Variants in IL19 observed in about 807,000 individuals in gnomAD.
The protein encoded by IL19 is interleukin 19.
Under a neutral mutation model 19.5 loss-of-function variants are expected in IL19, and 15 were observed. The ratio of observed to expected loss-of-function variants is 0.77; its 90% CI spans 0.52 to 1.19. IL19 has a LOEUF of 1.19. IL19 is among the 50% of genes most tolerant of loss of function. The pLI is 0.00. For synonymous variants in IL19, 78 were observed against 78.3 expected (o/e 1.00, Z 0.02); for missense variants, 199 against 213.1 (o/e 0.93, Z 0.41).
chr1:206,793,750 T>C (rs1217171295), intron 1 of IL19, among the ~76,000 whole-genome samples: 1 of 152,254 alleles, frequency 6.6e-6, no homozygotes, highest in East Asian at 1.9e-4. Flanking sequence ...TTTCTGAACC[T>C]CTAACGCCAC....
chr1:206,789,996 G>A (rs1038312352), intron 1 of IL19, among the ~76,000 whole-genome samples: 2 of 152,146 alleles, frequency 1.3e-5, no homozygotes, highest in African/African-American at 4.8e-5. Context: ...ACATATATGT[G>A]CAGTTAGTTG....
At chr1:206,810,988 G>C (rs1675992869) in intron 2 of IL19, among the ~76,000 whole-genome samples, 1 of 152,176 alleles carries the variant, frequency 6.6e-6, no homozygotes. Flanking sequence ...TCCCTCACCA[G>C]AAGCAGATGC....
At chr1:206,827,756 T>C (rs1473084661) in intron 2 of IL19, among the ~76,000 whole-genome samples, 1 of 151,454 alleles carries the variant, frequency 6.6e-6, no homozygotes. Context: ...GCCTCAGCTG[T>C]TCCCTCATCT....
At chr1:206,814,258 CA>C (rs1461179650) in intron 2 of IL19, among the ~76,000 whole-genome samples, 1 of 151,828 alleles carries the variant, frequency 6.6e-6, no homozygotes, top group African/African-American at 2.4e-5. Context: ...GCACAGATTG[CA>C]GCCAGTAAAT....
intron 2 of IL19, among the ~76,000 whole-genome samples, chr1:206,831,801 C>T (rs1676616616): frequency 6.6e-6 from 1 of 152,180 alleles, no homozygotes; most frequent in Non-Finnish European, 1.5e-5. Context: ...GCTTCCAGTA[C>T]CAGCGATTAT....
rs538485682 is a variant in IL19, at chr1:206,824,105, C to A, written c.-2-12556C>A. On this transcript the variant is annotated intron_variant, in intron 2 of 6. Coordinates refer to ENST00000659997, the MANE Select transcript of IL19 (RefSeq NM_153758.5). ...CTCAAGCACTGTTACTTGATATCAG[C>A]GGATTATTTCTCTCCAGAGGCTTGG... Among the ~76,000 whole-genome samples the A allele has an allele frequency of 3.9e-5, 6 of 152,188 alleles. 1 individual carries two copies. Among genetic ancestry groups the A allele is most frequent in the Admixed American group, 1.3e-4 (2 of 15,278 alleles).
At chr1:206,774,390 G>A (rs535586158) in intron 1 of IL19, among the ~76,000 whole-genome samples, 1 of 152,352 alleles carries the variant, frequency 6.6e-6, no homozygotes, top group South Asian at 2.1e-4. Flanking sequence ...CCAGGAAGCA[G>A]AGAGAAGGGG....
intron 2 of IL19, among the ~76,000 whole-genome samples, chr1:206,813,578 G>A (rs1215300171): frequency 6.6e-6 from 1 of 152,088 alleles, no homozygotes; most frequent in Non-Finnish European, 1.5e-5. Flanking sequence ...CTGAGTTTCA[G>A]TTCCTTGGGG....
chr1:206,800,198 G>A (rs765544502), intron 2 of IL19, among the ~76,000 whole-genome samples: 5 of 152,208 alleles, frequency 3.3e-5, no homozygotes, highest in Non-Finnish European at 7.3e-5. Context: ...CACTGAACAA[G>A]ACAAAGTCCA....
In IL19 at chr1:206,774,451, C is replaced by T. The variant is rs965775005; in HGVS notation, c.-149+3373C>T. 5.7e-4 allele frequency among the ~76,000 whole-genome samples: 86 copies of T among 152,166 alleles called. 5 individuals are homozygous for T. Among genetic ancestry groups the T allele is most frequent in the Non-Finnish European group, 2.9e-5 (2 of 68,036 alleles). On this transcript the variant is annotated intron_variant, in intron 1 of 6. Coordinates refer to ENST00000659997, the MANE Select transcript of IL19 (RefSeq NM_153758.5). ...GCACCTTTCTCCTTCCCCCTCGGCT[C>T]CTGGGTTTTCTGGGCTGTGTCTGTG...
At chr1:206,822,780 C>T (rs916846803) in intron 2 of IL19, among the ~76,000 whole-genome samples, 2 of 152,124 alleles carry the variant, frequency 1.3e-5, no homozygotes, top group African/African-American at 2.4e-5. Flanking sequence ...CCCAACGCTT[C>T]GGTGTCCCCC....
At chr1:206,826,228 C>T (rs983367045) in intron 2 of IL19, among the ~76,000 whole-genome samples, 1 of 152,182 alleles carries the variant, frequency 6.6e-6, no homozygotes, top group African/African-American at 2.4e-5. Context: ...TAGCCCTAAG[C>T]TGCAAATCCT....
At chr1:206,780,037 C>A (rs1675095361) in intron 1 of IL19, among the ~76,000 whole-genome samples, 1 of 146,330 alleles carries the variant, frequency 6.8e-6, no homozygotes, top group Non-Finnish European at 1.6e-5. Flanking sequence ...ATTTAGTTCT[C>A]CCTTCCTGCT....
At chr1:206,808,897 A>G (rs928271469) in intron 2 of IL19, among the ~76,000 whole-genome samples, 3 of 152,186 alleles carry the variant, frequency 2.0e-5, no homozygotes, top group East Asian at 3.9e-4. Context: ...GCTGGCCAGG[A>G]AAGGACAGCC....
intron 1 of IL19, among the ~76,000 whole-genome samples, chr1:206,780,006 C>T (rs1462150299): frequency 2.0e-5 from 3 of 152,080 alleles, no homozygotes; most frequent in Non-Finnish European, 2.9e-5. Flanking sequence ...CCCTCTCTCT[C>T]CTATCACAGG....
intron 2 of IL19, 43 bp downstream of exon 2, chr1:206,799,049 C>A (rs367984327): frequency 4.6e-6 from 6 of 1,298,480 alleles, no homozygotes; most frequent in African/African-American, 1.5e-5. Context: ...TGGAGCCATT[C>A]TCTGGGACCA....
chr1:206,772,586 G>A, intron 1 of IL19: 1 of 728,902 alleles, frequency 1.4e-6, no homozygotes, highest in Non-Finnish European at 2.3e-6. Flanking sequence ...TCCCGGCACA[G>A]GATTTTTTCT....
At position 206,796,698 on chromosome 1, in the gene IL19, G is replaced by A. The variant is rs549561326; in HGVS notation, c.-148-2163G>A. On this transcript the variant is annotated intron_variant, in intron 1 of 6. Coordinates refer to ENST00000659997, the MANE Select transcript of IL19 (RefSeq NM_153758.5). ...CAGGTTTGTAGCCTAGGAGCAATAG[G>A]CCTTACTGTATGGCCTATCTTATTG... Among the ~76,000 whole-genome samples, 15 of 152,248 alleles carry A rather than the reference G, an allele frequency of 9.9e-5. No homozygotes were observed. In the East Asian group the frequency reaches 2.9e-3, roughly 29 times the overall value.
intron 1 of IL19, among the ~76,000 whole-genome samples, chr1:206,790,604 G>A (rs1408265941): frequency 6.6e-6 from 1 of 152,192 alleles, no homozygotes; most frequent in Non-Finnish European, 1.5e-5. Context: ...TCCGGCTACT[G>A]TGATTTGGTT....
Sources: gnomAD v4.1 joint callset for allele counts (sites outside exome capture counted in the v4.1 genomes callset) on GRCh38, gnomAD v4.1.1 for gene constraint, MANE v1.5 for transcripts, NCBI Gene and HGNC (gene_info 2026-07-23, HGNC 2026-07-21) for gene names.